RASAL2: variants seen among roughly 807,000 people sequenced by gnomAD.
The protein encoded by RASAL2 is RAS protein activator like 2.
In RASAL2, 58 loss-of-function variants were observed where a neutral mutation model predicts 128.9. The observed-to-expected ratio is 0.45, with a 90% CI of 0.36 to 0.56. RASAL2 has a LOEUF of 0.56. Ranked by LOEUF, RASAL2 falls within the 20% of genes least tolerant of loss-of-function variation. The pLI, the probability that RASAL2 is intolerant of heterozygous loss-of-function variation, is 0.00. For synonymous variants in RASAL2, 561 were observed against 580.8 expected (o/e 0.97, Z 0.49); for missense variants, 1,360 against 1,601.6 (o/e 0.85, Z 2.57).
intron 1 of RASAL2, among the ~76,000 whole-genome samples, chr1:178,187,860 C>T (rs1391842275): frequency 6.6e-6 from 1 of 152,120 alleles, no homozygotes; most frequent in African/African-American, 2.4e-5. Flanking sequence ...AGGAGTTCTT[C>T]CATCTTGGCC....
intron 3 of RASAL2, among the ~76,000 whole-genome samples, chr1:178,351,936 G>C (rs1670534855): frequency 6.6e-6 from 1 of 152,148 alleles, no homozygotes; most frequent in Admixed American, 6.5e-5. Context: ...CTTTGAGGCT[G>C]AAGCAAATCT....
intron 3 of RASAL2, chr1:178,372,048 C>T (rs1481258395): frequency 7.7e-6 from 4 of 521,332 alleles, no homozygotes; most frequent in Middle Eastern, 9.3e-4. Context: ...TTCCCCCTCC[C>T]CCTGGTTGTA....
chr1:178,423,285 C>G (rs888056907), intron 5 of RASAL2, among the ~76,000 whole-genome samples: 7 of 152,046 alleles, frequency 4.6e-5, no homozygotes, highest in African/African-American at 1.7e-4. Flanking sequence ...CCTTTTTGTA[C>G]TGGTGGCTGG....
intron 1 of RASAL2, among the ~76,000 whole-genome samples, chr1:178,212,100 C>A (rs1292791031): frequency 6.6e-6 from 1 of 152,072 alleles, no homozygotes; most frequent in Non-Finnish European, 1.5e-5. Flanking sequence ...CTTTTCTATA[C>A]TTCTAGGATT....
intron 1 of RASAL2, among the ~76,000 whole-genome samples, chr1:178,167,374 AAT>A (rs1216166761): frequency 6.6e-6 from 1 of 152,154 alleles, no homozygotes; most frequent in Non-Finnish European, 1.5e-5. Flanking sequence ...ACAAGATAGA[AAT>A]AGTTTCAAAT....
intron 1 of RASAL2, among the ~76,000 whole-genome samples, chr1:178,127,058 C>T (rs1303157943): frequency 2.0e-5 from 3 of 152,142 alleles, no homozygotes; most frequent in East Asian, 1.9e-4. Context: ...TAGCTTATTT[C>T]GCCTCAGTCA....
chr1:178,420,705 C>G, intron 5 of RASAL2, 85 bp downstream of exon 5: 1 of 951,910 alleles, frequency 1.1e-6, no homozygotes, highest in South Asian at 1.9e-5. Context: ...GAATTTGAAT[C>G]AATGACAAAT....
intron 1 of RASAL2, among the ~76,000 whole-genome samples, chr1:178,138,117 A>G (rs536725143): frequency 9.2e-5 from 14 of 152,326 alleles, no homozygotes; most frequent in Admixed American, 9.2e-4. Flanking sequence ...GAAAAATATT[A>G]TATTTTTGGA....
chr1:178,397,314 A>G (rs1426512805), intron 4 of RASAL2, among the ~76,000 whole-genome samples: 1 of 152,232 alleles, frequency 6.6e-6, no homozygotes, highest in Non-Finnish European at 1.5e-5. Context: ...TGAGATACTG[A>G]CACATGCCAC....
intron 14 of RASAL2, among the ~76,000 whole-genome samples, chr1:178,460,836 CAG>C (rs1183125221): frequency 2.0e-5 from 3 of 151,622 alleles, no homozygotes; most frequent in South Asian, 2.1e-4. Flanking sequence ...TTTTTTGAAA[CAG>C]AGTCTTGCTC....
rs1024074226 is a variant in RASAL2, at chr1:178,430,118, A to T, written c.675-9304A>T. Among the ~76,000 whole-genome samples the T allele has an allele frequency of 9.2e-5, 14 of 152,242 alleles. No individual in the cohort carries two copies. In the East Asian group the frequency reaches 2.5e-3, roughly 27 times the overall value. On this transcript the variant is annotated intron_variant, in intron 5 of 17. Transcript: ENST00000367649. Reference sequence around the variant, plus strand: ...AGCACAATGACTGTCCTATTGAGGAACTCAATACACATTTGTTGGCCTGAA... The same window carrying T: ...AGCACAATGACTGTCCTATTGAGGATCTCAATACACATTTGTTGGCCTGAA...
At chr1:178,428,584 T>C (rs968688796) in intron 5 of RASAL2, among the ~76,000 whole-genome samples, 1 of 151,568 alleles carries the variant, frequency 6.6e-6, no homozygotes, top group Non-Finnish European at 1.5e-5. Flanking sequence ...TCTACATATA[T>C]ATTGAATATA....
intron 12 of RASAL2, 35 bp downstream of exon 12, chr1:178,454,683 T>C: frequency 6.4e-7 from 1 of 1,570,872 alleles, no homozygotes; most frequent in Non-Finnish European, 8.8e-7. Context: ...AGAACTTTAA[T>C]GTACCTGAAT....
At chr1:178,191,883 CA>C (rs1483438632) in intron 1 of RASAL2, among the ~76,000 whole-genome samples, 1 of 152,108 alleles carries the variant, frequency 6.6e-6, no homozygotes, top group Non-Finnish European at 1.5e-5. Context: ...GCTTTAATAA[CA>C]ACACACACTG....
Position 178,257,485 on chromosome 1 carries a change from T to C in RASAL2, c.203-26079T>C, listed in dbSNP as rs1665425075. 2.0e-5 allele frequency among the ~76,000 whole-genome samples: 3 copies of C among 150,430 alleles called. No individual in the cohort carries two copies. In the South Asian group the frequency reaches 6.3e-4, roughly 32 times the overall value. ...AATAAAATCAAGTGTCTAATAAAACTAATTGATTTTCGACAAGGTTATCAA... is the reference window on the plus strand; with the variant it reads ...AATAAAATCAAGTGTCTAATAAAACCAATTGATTTTCGACAAGGTTATCAA... On this transcript the variant is annotated intron_variant, in intron 1 of 17. Coordinates refer to ENST00000367649, the MANE Select transcript of RASAL2 (RefSeq NM_170692.4).
At chr1:178,337,750 A>G (rs1168633662) in intron 3 of RASAL2, among the ~76,000 whole-genome samples, 4 of 149,678 alleles carry the variant, frequency 2.7e-5, no homozygotes, top group Non-Finnish European at 4.4e-5. Context: ...TTTTTTTTTG[A>G]GACGGAGTTT....
chr1:178,412,649 A>G (rs1419081333), intron 4 of RASAL2, among the ~76,000 whole-genome samples: 1 of 152,220 alleles, frequency 6.6e-6, no homozygotes, highest in Non-Finnish European at 1.5e-5. Context: ...AAGTTTAAAC[A>G]TTGTGGTTGA....
At chr1:178,385,116 AT>A (rs1273900338) in intron 3 of RASAL2, among the ~76,000 whole-genome samples, 1 of 152,228 alleles carries the variant, frequency 6.6e-6, no homozygotes, top group Non-Finnish European at 1.5e-5. Context: ...ACATAATAAC[AT>A]TCCAGATTTA....
chr1:178,243,521 A>T (rs990193597), intron 1 of RASAL2, among the ~76,000 whole-genome samples: 2 of 151,168 alleles, frequency 1.3e-5, no homozygotes, highest in African/African-American at 4.9e-5. Flanking sequence ...GGGAAGAAGA[A>T]TGCTTTCCCT....
Sources: allele counts gnomAD v4.1 joint callset (sites outside exome capture counted in the v4.1 genomes callset), GRCh38; gene constraint gnomAD v4.1.1; transcripts MANE v1.5; gene names NCBI Gene and HGNC (gene_info 2026-07-23, HGNC 2026-07-21).